Variants in SCARA3 observed in about 807,000 individuals in gnomAD.
SCARA3 encodes the protein scavenger receptor class A member 3.
SCARA3 carries 39 observed loss-of-function variants against 47.0 expected under a neutral mutation model. The ratio of observed to expected loss-of-function variants is 0.83; its 90% CI spans 0.64 to 1.08. The LOEUF (loss-of-function observed/expected upper bound fraction) is 1.08, where lower values mean the gene tolerates loss of function less well. Among genes scored for constraint, SCARA3 ranks in the 50% least tolerant of loss-of-function variants. SCARA3 has a pLI of 0.00. For synonymous variants in SCARA3, 356 were observed against 334.1 expected, an observed-to-expected ratio of 1.07 and a Z score of -0.71; for missense variants, 724 against 792.3, an observed-to-expected ratio of 0.91 and a Z score of 1.04.
rs1801825364 is a variant in SCARA3 at position 27,658,968 on chromosome 8, C to T, written c.798C>T (p.Arg266=). The T allele has an allele frequency of 6.2e-7, 1 of 1,614,176 alleles. No individual in the cohort carries two copies. Among genetic ancestry groups the T allele is most frequent in the Non-Finnish European group, 8.5e-7 (1 of 1,180,032 alleles). ...QNYTRLFSGL[R]TTSTKTGEAV... is the part of the protein sequence containing the mutation. ...ACACACGGCTCTTCAGCGGCCTGCG[C>T]ACCACCTCCACCAAGACTGGAGAGG... The change falls in exon 5 of 6, where the codon CGC becomes CGT. Residue 266 remains arginine, a synonymous_variant. Transcript: ENST00000301904.
In SCARA3 at chr8:27,637,753, G is replaced by A. The variant is rs997717364; in HGVS notation, c.7+3546G>A. Among the ~76,000 whole-genome samples the A allele has an allele frequency of 2.6e-5, 4 of 152,042 alleles. No homozygotes were observed. The East Asian group carries it at 7.8e-4, about 29-fold the overall frequency. ...AGAGAGCAGTGCCCACTTCATTTAG[G>A]CAAAGGGTGGAAGTGGGGAGAGGAG... On this transcript the variant is annotated intron_variant, in intron 1 of 5. Coordinates refer to ENST00000301904, the MANE Select transcript of SCARA3 (RefSeq NM_016240.3).
chr8:27,694,933 G>A, the SCARA3 span, among the ~76,000 whole-genome samples: 1 of 152,168 alleles, frequency 6.6e-6, no homozygotes, highest in Non-Finnish European at 1.5e-5. Flanking sequence ...CAGGGAAGGG[G>A]CCCTACAGTT....
chr8:27,668,472 G>A (rs1481297147), intron 5 of SCARA3, among the ~76,000 whole-genome samples: 2 of 140,930 alleles, frequency 1.4e-5, no homozygotes, highest in African/African-American at 3.0e-5. Flanking sequence ...CCCGGGAAGC[G>A]GAGCTTGCAG....
rs1802194718 is a variant in SCARA3, at chr8:27,672,629, C to G, written c.*1278C>G. 2 of 985,606 alleles carry G rather than the reference C, an allele frequency of 2.0e-6. No homozygotes were observed. Among genetic ancestry groups the G allele is most frequent in the Non-Finnish European group, 2.4e-6 (2 of 830,056 alleles). The allele number at this position is 985,606 out of a possible 1,614,324, so 61.1% of individuals were successfully genotyped here. A position where few individuals can be genotyped will look rare whatever the true frequency, so the allele number is the denominator to read the frequency against. On this transcript the variant is annotated 3_prime_UTR_variant, in exon 6 of 6. Coordinates refer to ENST00000301904, the MANE Select transcript of SCARA3 (RefSeq NM_016240.3). ...CAGCTGGACTAGGAGTGGGAAGGGC[C>G]TGGACACTCACAGAGGCCCCCTCTG...
intron 1 of SCARA3, among the ~76,000 whole-genome samples, chr8:27,648,611 A>C (rs1300874134): frequency 6.6e-6 from 1 of 152,086 alleles, no homozygotes; most frequent in Admixed American, 6.5e-5. Context: ...CTCAAAAGAA[A>C]AAAAAAAGGA....
chr8:27,719,603 T>C, the SCARA3 span, among the ~76,000 whole-genome samples: 1 of 151,802 alleles, frequency 6.6e-6, no homozygotes, highest in Admixed American at 6.6e-5. Context: ...CCATCTTAGT[T>C]TTCAGGGTAT....
chr8:27,658,741 C>G lies in SCARA3; in HGVS notation c.571C>G (p.Gln191Glu), dbSNP rs901278247. 8 of 1,614,020 alleles carry G rather than the reference C, an allele frequency of 5.0e-6. No homozygotes were observed. The African/African-American group carries it at 6.7e-5, about 13-fold the overall frequency. ...VNQSLGLFLA[Q>E]VRGWQATTAG... Reference sequence around the variant, plus strand: ...CCAGTCTCTGGGGCTCTTCCTGGCCCAGGTGAGAGGCTGGCAGGCCACCAC... The same window carrying G: ...CCAGTCTCTGGGGCTCTTCCTGGCCGAGGTGAGAGGCTGGCAGGCCACCAC... Residue 191 changes from glutamine (Q) to glutamate (E), a missense_variant, in exon 5 of 6, where the codon CAG (glutamine) becomes GAG (glutamate). Coordinates refer to ENST00000301904, the MANE Select transcript of SCARA3 (RefSeq NM_016240.3).
intron 3 of SCARA3, among the ~76,000 whole-genome samples, chr8:27,652,248 T>C (rs1801649047): frequency 6.6e-6 from 1 of 152,228 alleles, no homozygotes; most frequent in Non-Finnish European, 1.5e-5. Context: ...TTAGGGTTTG[T>C]AGTAGTTGAC....
chr8:27,679,887 A>G (rs973640793), downstream of SCARA3: 1 of 152,182 alleles, frequency 6.6e-6, no homozygotes, highest in Non-Finnish European at 1.5e-5. Flanking sequence ...GATTAGCCTG[A>G]CCCTTGTACA....
chr8:27,671,941 A>G lies in SCARA3; in HGVS notation c.*590A>G. The stretch of plus-strand genomic sequence containing the variant: ...GACTGAGCCTGCCAGGGAGGCAGCT[A>G]CCTCGGGAGGAAGGTCTCACATCTG... On this transcript the variant is annotated 3_prime_UTR_variant, in exon 6 of 6. Transcript: ENST00000301904. 1.0e-6 allele frequency: 1 copy of G among 985,390 alleles called. No homozygotes were observed. The highest frequency in any genetic ancestry group is 4.7e-5 in the South Asian group (1 of 21,280). 61.0% of individuals were successfully genotyped at this position (985,390 alleles called of 1,614,324 possible).
downstream of SCARA3, among the ~76,000 whole-genome samples, chr8:27,675,005 G>A (rs1802244958): frequency 1.3e-5 from 2 of 152,136 alleles, no homozygotes; most frequent in South Asian, 2.1e-4. Context: ...GGGATTACAG[G>A]CGTGAGCCAC....
chr8:27,729,748 G>T, the SCARA3 span, among the ~76,000 whole-genome samples: 1 of 152,188 alleles, frequency 6.6e-6, no homozygotes, highest in African/African-American at 2.4e-5. Context: ...CTGAGATCAT[G>T]CCACTGCTCT....
the SCARA3 span, among the ~76,000 whole-genome samples, chr8:27,682,785 A>G: frequency 6.6e-6 from 1 of 152,196 alleles, no homozygotes; most frequent in Non-Finnish European, 1.5e-5. Flanking sequence ...AAAATTATGT[A>G]ACCACTTTGT....
At position 27,649,745 on chromosome 8, in the gene SCARA3, A is replaced by C; in HGVS notation, c.51A>C (p.Glu17Asp). 2 of 1,614,164 alleles carry C rather than the reference A, an allele frequency of 1.2e-6. No homozygotes were observed. Among genetic ancestry groups the C allele is most frequent in the Non-Finnish European group, 1.7e-6 (2 of 1,180,026 alleles). ...GGDGDALCVT[E>D]EDLAGDDEDM... ...ATGGAGATGCCTTGTGCGTTACAGA[A>C]GAGGACCTGGCGGGTGACGACGAGG... The change falls in exon 2 of 6, where the codon GAA (glutamate) becomes GAC (aspartate). Residue 17 changes from glutamate (E) to aspartate (D), a missense_variant. Physicochemically the swap from Glu to Asp is conservative, Grantham distance 45. Coordinates refer to ENST00000301904, the MANE Select transcript of SCARA3 (RefSeq NM_016240.3).
At chr8:27,711,025 C>T in the SCARA3 span, among the ~76,000 whole-genome samples, 221 of 149,892 alleles carry the variant, frequency 1.5e-3, no homozygotes, top group African/African-American at 5.3e-3. Flanking sequence ...CGGGTTCAAG[C>T]GATTCTCCTG....
the SCARA3 span, among the ~76,000 whole-genome samples, chr8:27,711,942 G>C: frequency 1.3e-5 from 2 of 152,144 alleles, no homozygotes; most frequent in African/African-American, 2.4e-5. Flanking sequence ...GTTTACATTA[G>C]GGTTCACTCT....
At chr8:27,657,061 C>G (rs1236346544) in intron 4 of SCARA3, among the ~76,000 whole-genome samples, 181 bp downstream of exon 4, 1 of 152,190 alleles carries the variant, frequency 6.6e-6, no homozygotes, top group Non-Finnish European at 1.5e-5. Flanking sequence ...GGGCTGCTAC[C>G]CTGGGATACT....
the SCARA3 span, among the ~76,000 whole-genome samples, chr8:27,712,782 C>A: frequency 4.6e-5 from 7 of 152,082 alleles, no homozygotes; most frequent in East Asian, 1.4e-3. Flanking sequence ...TTTTTAACTC[C>A]TTTGGGTAAA....
the SCARA3 span, among the ~76,000 whole-genome samples, chr8:27,715,280 AT>A: frequency 6.6e-6 from 1 of 152,004 alleles, no homozygotes; most frequent in African/African-American, 2.4e-5. The surrounding 1 kb of genome is among the most constrained non-coding windows in gnomAD (Gnocchi z 4.2). Context: ...CACCTCATTA[AT>A]TTCATCTTTA....
Sources: allele counts gnomAD v4.1 joint callset (sites outside exome capture counted in the v4.1 genomes callset), GRCh38; gene constraint gnomAD v4.1.1; non-coding constraint Gnocchi (gnomAD v3.1); transcripts MANE v1.5; gene names NCBI Gene and HGNC (gene_info 2026-07-23, HGNC 2026-07-21).